SGO2: variants seen among roughly 807,000 people sequenced by gnomAD.
The protein encoded by SGO2 is shugoshin-like 2.
In SGO2, 68 loss-of-function variants were observed where a neutral mutation model predicts 99.5. That is an observed-to-expected ratio of 0.68 (90% CI 0.56 to 0.84). The LOEUF (loss-of-function observed/expected upper bound fraction) is 0.84. Ranked by LOEUF, SGO2 falls within the 40% of genes least tolerant of loss-of-function variation. SGO2 has a pLI of 0.00. For missense variants in SGO2, 1,350 were observed against 1,436.7 expected, an observed-to-expected ratio of 0.94 and a Z score of 0.97; for synonymous variants, 457 against 487.1, an observed-to-expected ratio of 0.94 and a Z score of 0.81.
At chr2:200,534,013 T>C (rs1021623942) in intron 2 of SGO2, among the ~76,000 whole-genome samples, 5 of 152,190 alleles carry the variant, frequency 3.3e-5, no homozygotes, top group Non-Finnish European at 7.4e-5. Flanking sequence ...TTGTAGTCAG[T>C]TTCCATTTGC....
chr2:200,539,750 C>G (rs2031870045), intron 4 of SGO2, among the ~76,000 whole-genome samples: 1 of 152,020 alleles, frequency 6.6e-6, no homozygotes. Context: ...ATGTCTCTAT[C>G]AAGTTTGGAA....
chr2:200,572,700 T>G lies in SGO2; in HGVS notation c.2354T>G (p.Val785Gly). ...CTGTATGATTCTGAGATTCAAAATG[T>G]TTTGGGGGTGAAACATGGCCATGAT... is the stretch of plus-strand genomic sequence containing the variant. ...GNLYDSEIQNVLGVKHGHDMQ... is the reference protein window; with the variant it reads ...GNLYDSEIQNGLGVKHGHDMQ... The change falls in exon 7 of 9, where the codon GTT (valine) becomes GGT (glycine). Residue 785 changes from valine (V) to glycine (G), a missense_variant. Coordinates refer to ENST00000357799, the MANE Select transcript of SGO2 (RefSeq NM_152524.6). The G allele has an allele frequency of 6.2e-7, 1 of 1,612,688 alleles. No homozygotes were observed. Among genetic ancestry groups the G allele is most frequent in the Non-Finnish European group, 8.5e-7 (1 of 1,179,350 alleles).
chr2:200,527,838 A>G (rs1208881539), intron 1 of SGO2, among the ~76,000 whole-genome samples: 2 of 152,248 alleles, frequency 1.3e-5, no homozygotes, highest in Non-Finnish European at 2.9e-5. Flanking sequence ...TTTATCTTAG[A>G]CATTGATAAG....
intron 8 of SGO2, chr2:200,580,496 C>T (rs534427247): frequency 7.9e-5 from 34 of 431,046 alleles, no homozygotes; most frequent in Non-Finnish European, 4.7e-6. Context: ...TGTTGTTTTC[C>T]CATTAAAATT....
intron 1 of SGO2, 86 bp from the exon 2 acceptor site, chr2:200,532,888 A>C: frequency 7.5e-7 from 1 of 1,325,430 alleles, no homozygotes; most frequent in Non-Finnish European, 1.0e-6. Context: ...ATATTAAGTC[A>C]TGATTGTTAC....
chr2:200,573,209 C>A lies in SGO2; in HGVS notation c.2863C>A (p.Gln955Lys). ...TAAATCTAAACAAAAACTTGAATGC[C>A]AAGACATTATCAATAAACACTATAT... is the stretch of plus-strand genomic sequence containing the variant. ...VNKSKQKLEC[Q>K]DIINKHYMEV... The change falls in exon 7 of 9, where the codon CAA (glutamine) becomes AAA (lysine). Residue 955 changes from glutamine (Q) to lysine (K), a missense_variant. Transcript: ENST00000357799. 6.3e-7 allele frequency: 1 copy of A among 1,575,922 alleles called. No homozygotes were observed. Among genetic ancestry groups the A allele is most frequent in the South Asian group, 1.2e-5 (1 of 82,414 alleles).
chr2:200,542,673 G>A lies in SGO2; in HGVS notation c.473+9G>A, dbSNP rs2032019420. ...CGTCTTCCATTTGCAAGGTAAATATGGGCTTGAATTACACTAGTTCAGAGT... is the reference window on the plus strand; with the variant it reads ...CGTCTTCCATTTGCAAGGTAAATATAGGCTTGAATTACACTAGTTCAGAGT... On this transcript the variant is annotated intron_variant, in intron 5 of 8. Transcript: ENST00000357799. The A allele has an allele frequency of 1.9e-6, 3 of 1,607,370 alleles. No individual in the cohort carries two copies.
chr2:200,569,642 T>G (rs1021720023), intron 5 of SGO2, 21 bp from the exon 6 acceptor site: 1 of 1,548,262 alleles, frequency 6.5e-7, no homozygotes, highest in Non-Finnish European at 8.7e-7. Flanking sequence ...AATTTCTCAT[T>G]TCCTTCCCAC....
intron 5 of SGO2, among the ~76,000 whole-genome samples, chr2:200,554,630 A>G (rs1190082964): frequency 6.6e-6 from 1 of 152,208 alleles, no homozygotes; most frequent in Non-Finnish European, 1.5e-5. Flanking sequence ...ATAATGATTA[A>G]TAACATACAC....
chr2:200,547,370 G>C (rs1243676728), intron 5 of SGO2, among the ~76,000 whole-genome samples: 1 of 152,226 alleles, frequency 6.6e-6, no homozygotes, highest in Non-Finnish European at 1.5e-5. Flanking sequence ...GGACCATCTT[G>C]TGAGAAATGC....
At chr2:200,532,484 A>G (rs915679898) in intron 1 of SGO2, 2 of 947,702 alleles carry the variant, frequency 2.1e-6, no homozygotes, top group Admixed American at 1.2e-4. Flanking sequence ...CTCTTGTAAT[A>G]CTATAATGTA....
chr2:200,562,238 G>A (rs558483907), intron 5 of SGO2, among the ~76,000 whole-genome samples: 434 of 152,198 alleles, frequency 2.9e-3, no homozygotes, highest in Non-Finnish European at 4.1e-3. Context: ...TTTGTATAAG[G>A]TGTAAGGAGG....
At chr2:200,549,823 A>T (rs1360536588) in intron 5 of SGO2, among the ~76,000 whole-genome samples, 1 of 152,196 alleles carries the variant, frequency 6.6e-6, no homozygotes, top group East Asian at 1.9e-4. Flanking sequence ...ACAAGACAAG[A>T]ATGCCCACTT....
chr2:200,556,829 G>GAGAGAGACAGAGACAGAGAC (rs1344080273), intron 5 of SGO2, among the ~76,000 whole-genome samples: 4 of 152,108 alleles, frequency 2.6e-5, no homozygotes, highest in Admixed American at 6.5e-5. Flanking sequence ...CCGAGAGAGA[G>GAGAGAGACAGAGACAGAGAC]AGAGAGACAG....
chr2:200,571,932 A>G lies in SGO2; in HGVS notation c.1586A>G (p.Asn529Ser), dbSNP rs750446663. Residue 529 changes from asparagine (N) to serine (S), a missense_variant, in exon 7 of 9, where the codon AAT becomes AGT. Physicochemically the swap from Asn to Ser is conservative, Grantham distance 46. Transcript: ENST00000357799. ...AAGGGTCAGAATTCCCTAACTTGTA[A>G]TAAAAGTAAAGCTTCTAGACAGACA... is the stretch of plus-strand genomic sequence containing the variant. The part of the protein sequence containing the change: ...FDKGQNSLTC[N>S]KSKASRQTFV... The G allele has an allele frequency of 8.7e-6, 14 of 1,612,516 alleles. No individual in the cohort carries two copies. The highest frequency in any genetic ancestry group is 8.0e-5 in the African/African-American group (6 of 74,930).
At position 200,571,431 on chromosome 2, in the gene SGO2, A is replaced by T. The variant is rs151154204; in HGVS notation, c.1085A>T (p.Asp362Val). ...DDFQLQKTVY[D>V]ADMDLTASEV... ...TTTCAATTGCAGAAAACTGTGTATG[A>T]TGCTGACATGGATTTAACTGCTAGT... The change falls in exon 7 of 9, where the codon GAT (aspartate) becomes GTT (valine). Residue 362 changes from aspartate to valine, a missense_variant. Transcript: ENST00000357799. 10 of 1,610,872 alleles carry T rather than the reference A, an allele frequency of 6.2e-6. No individual in the cohort carries two copies. The highest frequency in any genetic ancestry group is 8.5e-6 in the Non-Finnish European group (10 of 1,178,282).
chr2:200,558,213 G>A (rs964053755), intron 5 of SGO2, among the ~76,000 whole-genome samples: 2 of 152,030 alleles, frequency 1.3e-5, no homozygotes, highest in African/African-American at 4.8e-5. Context: ...CATTCATATT[G>A]TATTCCCATT....
intron 5 of SGO2, among the ~76,000 whole-genome samples, chr2:200,553,877 T>G (rs980777526): frequency 2.0e-5 from 3 of 152,104 alleles, no homozygotes; most frequent in African/African-American, 7.2e-5. Context: ...AAAATGACAT[T>G]ATTTACTTAC....
At chr2:200,576,687 C>G (rs938399538) in intron 8 of SGO2, among the ~76,000 whole-genome samples, 1 of 152,160 alleles carries the variant, frequency 6.6e-6, no homozygotes, top group African/African-American at 2.4e-5. Flanking sequence ...AAACCCTGTA[C>G]CCTTTAGTTA....
Sources: allele counts gnomAD v4.1 joint callset (sites outside exome capture counted in the v4.1 genomes callset), GRCh38; gene constraint gnomAD v4.1.1; transcripts MANE v1.5; gene names NCBI Gene and HGNC (gene_info 2026-07-23, HGNC 2026-07-21).